EFCAB13: variants seen among roughly 807,000 people sequenced by gnomAD.
The protein encoded by EFCAB13 is EF-hand calcium binding domain 13.
A neutral mutation model predicts 110.2 loss-of-function variants in EFCAB13; 91 were observed. The observed-to-expected ratio is 0.83, with a 90% CI of 0.70 to 0.98. EFCAB13 has a LOEUF of 0.98. Among genes scored for constraint, EFCAB13 ranks in the 50% least tolerant of loss-of-function variants. The pLI is 0.00. For missense variants in EFCAB13, 968 were observed against 1,119.4 expected (o/e 0.86, Z 1.93); for synonymous variants, 323 against 369.9 (o/e 0.87, Z 1.45).
At chr17:47,351,304 T>TGTGTGTGTGTGTGTGTGTGTGCGC (rs1280645583) in intron 9 of EFCAB13, among the ~76,000 whole-genome samples, 1 of 122,980 alleles carries the variant, frequency 8.1e-6, no homozygotes, top group Non-Finnish European at 1.9e-5. Context: ...TGTGTGTGTG[T>TGTGTGTGTGTGTGTGTGTGTGCGC]GCGCGCGCGC....
At chr17:47,405,636 GC>G (rs2065801188) in intron 20 of EFCAB13, among the ~76,000 whole-genome samples, 1 of 151,778 alleles carries the variant, frequency 6.6e-6, no homozygotes, top group South Asian at 2.1e-4. Context: ...TATTAGGACA[GC>G]CCTATGCACT....
chr17:47,375,025 T>C (rs2065606953), intron 12 of EFCAB13, 59 bp downstream of exon 12: 2 of 1,477,660 alleles, frequency 1.4e-6, no homozygotes, highest in Non-Finnish European at 1.8e-6. Flanking sequence ...ACAGAATGAA[T>C]CAATTATTAG....
rs1375308190 is a variant in EFCAB13, at chr17:47,351,298, TGTGTGTGCGCGCGCGCGCGCGCGC to T, written c.661+3349_661+3372del. ...ATTCCACTGTGTGTGTGTGTGTGTG[TGTGTGTGCGCGCGCGCGCGCGCGC>T]GCGCGCCACGTTTTCTTTATCCAGT... On this transcript the variant is annotated intron_variant, in intron 9 of 24. Coordinates refer to ENST00000331493, the MANE Select transcript of EFCAB13 (RefSeq NM_152347.5). Among the ~76,000 whole-genome samples, 7 of 130,440 alleles carry T rather than the reference TGTGTGTGCGCGCGCGCGCGCGCGC, an allele frequency of 5.4e-5. No homozygotes were observed. The East Asian group carries it at 1.8e-3, about 34-fold the overall frequency. The allele number at this position is 130,440 out of a possible 152,430, so 85.6% of individuals were successfully genotyped here.
At chr17:47,395,194 A>G (rs756488082) in intron 16 of EFCAB13, among the ~76,000 whole-genome samples, 1 of 152,122 alleles carries the variant, frequency 6.6e-6, no homozygotes, top group Non-Finnish European at 1.5e-5. Flanking sequence ...AATGAACCCA[A>G]TTACCTTCCT....
chr17:47,376,988 A>G (rs981954363), intron 12 of EFCAB13, among the ~76,000 whole-genome samples: 6 of 152,224 alleles, frequency 3.9e-5, no homozygotes, highest in Admixed American at 3.3e-4. Flanking sequence ...GTGCATCAGT[A>G]AGAAGCACAT....
intron 15 of EFCAB13, among the ~76,000 whole-genome samples, chr17:47,392,352 C>T (rs2065712644): frequency 1.3e-5 from 2 of 151,904 alleles, no homozygotes; most frequent in African/African-American, 4.8e-5. Context: ...CTAATAAAAC[C>T]CTGACTTTTT....
chr17:47,405,499 C>G (rs888660464), intron 20 of EFCAB13, among the ~76,000 whole-genome samples: 7 of 151,960 alleles, frequency 4.6e-5, no homozygotes, highest in African/African-American at 1.7e-4. Context: ...ACATTTTTTT[C>G]TAGTTTATTT....
At chr17:47,368,506 A>G (rs975919312) in intron 10 of EFCAB13, among the ~76,000 whole-genome samples, 3 of 152,200 alleles carry the variant, frequency 2.0e-5, no homozygotes, top group Admixed American at 2.0e-4. Context: ...ATATAGTGAT[A>G]TTTCCCTGGC....
chr17:47,440,630 A>G lies in EFCAB13; in HGVS notation c.2838A>G (p.Ile946Met), dbSNP rs1905302621. The change falls in exon 25 of 25, where the codon ATA (isoleucine) becomes ATG (methionine). Residue 946 changes from isoleucine to methionine, a missense_variant. Physicochemically the swap from Ile to Met is conservative, Grantham distance 10 (BLOSUM62 1). Coordinates refer to ENST00000331493, the MANE Select transcript of EFCAB13 (RefSeq NM_152347.5). Reference protein sequence around the residue: ...QVSKKQYNMNIKQHKISLHNF... With the variant: ...QVSKKQYNMNMKQHKISLHNF... ...GTAAGAAGCAATACAATATGAATATAAAACAACACAAGATTAGTTTACATA... is the reference window on the plus strand; with the variant it reads ...GTAAGAAGCAATACAATATGAATATGAAACAACACAAGATTAGTTTACATA... 1 of 1,611,028 alleles carries G rather than the reference A, an allele frequency of 6.2e-7. No homozygotes were observed. The highest frequency in any genetic ancestry group is 1.1e-5 in the South Asian group (1 of 90,182).
In EFCAB13 at chr17:47,350,873, G is replaced by A. The variant is rs543197829; in HGVS notation, c.661+2922G>A. Among the ~76,000 whole-genome samples, 17 of 152,082 alleles carry A rather than the reference G, an allele frequency of 1.1e-4. No individual in the cohort carries two copies. In the East Asian group the frequency reaches 2.9e-3, roughly 26 times the overall value. On this transcript the variant is annotated intron_variant, in intron 9 of 24. Coordinates refer to ENST00000331493, the MANE Select transcript of EFCAB13 (RefSeq NM_152347.5). ...CAATTCTTCTCTTCCTCCATTAGGC[G>A]ATATCAAGTTCTTATGCTCGGTCCT...
intron 15 of EFCAB13, among the ~76,000 whole-genome samples, chr17:47,392,460 G>A (rs1315633016): frequency 6.6e-6 from 1 of 152,036 alleles, no homozygotes; most frequent in Non-Finnish European, 1.5e-5. Flanking sequence ...GTGTGTTGGG[G>A]GGTGGGGGTT....
At chr17:47,371,148 G>A (rs745915182) in intron 11 of EFCAB13, among the ~76,000 whole-genome samples, 3 of 142,212 alleles carry the variant, frequency 2.1e-5, no homozygotes, top group Non-Finnish European at 3.0e-5. Context: ...CAGATGAATA[G>A]TTTGCAAATA....
intron 12 of EFCAB13, among the ~76,000 whole-genome samples, chr17:47,376,476 G>A (rs1174284622): frequency 6.6e-6 from 1 of 152,176 alleles, no homozygotes; most frequent in Non-Finnish European, 1.5e-5. Flanking sequence ...TGAATATAGA[G>A]AAGTATGAAA....
At chr17:47,433,354 G>A (rs552220700) in intron 24 of EFCAB13, among the ~76,000 whole-genome samples, 3 of 151,990 alleles carry the variant, frequency 2.0e-5, no homozygotes, top group East Asian at 1.9e-4. Flanking sequence ...ATATTTTTTC[G>A]TCGTAAAGTT....
chr17:47,404,041 C>T lies in EFCAB13; in HGVS notation c.2161+20C>T, dbSNP rs751749655. 4 of 1,561,332 alleles carry T rather than the reference C, an allele frequency of 2.6e-6. No individual in the cohort carries two copies. The highest frequency in any genetic ancestry group is 2.8e-5 in the African/African-American group (2 of 71,932). The stretch of plus-strand genomic sequence containing the variant: ...TTTCTGGTAAGCATTTTAAATATTA[C>T]TCTCAGGTTTTTTTTTTGTAGGAGT... On this transcript the variant is annotated intron_variant, in intron 19 of 24. Transcript: ENST00000331493.
intron 24 of EFCAB13, among the ~76,000 whole-genome samples, chr17:47,435,768 C>T (rs1471757203): frequency 2.0e-5 from 3 of 151,928 alleles, no homozygotes; most frequent in Admixed American, 6.6e-5. Flanking sequence ...TTACCAGTTT[C>T]GATGCCTTTC....
intron 9 of EFCAB13, among the ~76,000 whole-genome samples, chr17:47,360,610 G>A (rs937865595): frequency 5.3e-5 from 8 of 152,124 alleles, no homozygotes; most frequent in African/African-American, 1.9e-4. Context: ...CTTTTGCTGT[G>A]CAGAAGCTCT....
At chr17:47,397,675 G>A (rs1409302811) in intron 17 of EFCAB13, among the ~76,000 whole-genome samples, 1 of 151,618 alleles carries the variant, frequency 6.6e-6, no homozygotes, top group Non-Finnish European at 1.5e-5. Flanking sequence ...CCCCGCCTGG[G>A]ATGTGAGGAG....
At chr17:47,325,577 G>A (rs1285101308) in intron 2 of EFCAB13, among the ~76,000 whole-genome samples, 1 of 151,912 alleles carries the variant, frequency 6.6e-6, no homozygotes, top group Non-Finnish European at 1.5e-5. Flanking sequence ...CAGCCTCCTG[G>A]GGCCTTCCCA....
Sources: gnomAD v4.1 joint callset for allele counts (sites outside exome capture counted in the v4.1 genomes callset) on GRCh38, gnomAD v4.1.1 for gene constraint, MANE v1.5 for transcripts, NCBI Gene and HGNC (gene_info 2026-07-23, HGNC 2026-07-21) for gene names.